SEC63: variants seen among roughly 807,000 people sequenced by gnomAD.
The protein encoded by SEC63 is SEC63 protein translocation regulator.
SEC63 carries 56 observed loss-of-function variants against 116.2 expected under a neutral mutation model. The ratio of observed to expected loss-of-function variants is 0.48; its 90% CI spans 0.39 to 0.60. SEC63 has a LOEUF of 0.60. Ranked by LOEUF, SEC63 falls within the 20% of genes least tolerant of loss-of-function variation. The probability of loss-of-function intolerance (pLI) is 0.00; values close to 1 mark genes in which losing one functional copy is unlikely to be tolerated. For synonymous variants in SEC63, 273 were observed against 294.6 expected (o/e 0.93, Z 0.75); for missense variants, 668 against 900.0 (o/e 0.74, Z 3.30).
chr6:107,906,649 C>A (rs746718853), intron 9 of SEC63, 34 bp downstream of exon 9: 2 of 1,602,414 alleles, frequency 1.2e-6, no homozygotes, highest in Middle Eastern at 1.7e-4. Flanking sequence ...TAATACTTAA[C>A]TGCTCATCGG....
In SEC63 at chr6:107,872,925, A is replaced by G; in HGVS notation, c.2035-13T>C. The G allele has an allele frequency of 6.7e-7, 1 of 1,499,170 alleles. No homozygotes were observed. Among genetic ancestry groups the G allele is most frequent in the African/African-American group, 1.4e-5 (1 of 72,022 alleles). 92.9% of individuals were successfully genotyped at this position (1,499,170 alleles called of 1,614,324 possible). On this transcript the variant is annotated splice_polypyrimidine_tract_variant and intron_variant, in intron 19 of 20. Coordinates refer to ENST00000369002, the MANE Select transcript of SEC63 (RefSeq NM_007214.5). ...ACTTCAGCTCTACCTAGAAGATAAA[A>G]TCAGCACTTAAAAATCTGTATTATG...
chr6:107,874,291 A>G (rs2114390240), intron 19 of SEC63, among the ~76,000 whole-genome samples: 1 of 152,278 alleles, frequency 6.6e-6, no homozygotes, highest in East Asian at 1.9e-4. Context: ...AGCGGCATGC[A>G]AAGATTAAAA....
intron 4 of SEC63, among the ~76,000 whole-genome samples, chr6:107,920,267 C>CA (rs917712230): frequency 4.0e-5 from 6 of 151,284 alleles, no homozygotes; most frequent in East Asian, 3.9e-4. Flanking sequence ...GCTAAAAATA[C>CA]AAAAAAACAT....
intron 4 of SEC63, among the ~76,000 whole-genome samples, chr6:107,921,453 C>CT (rs34843868): frequency 1.3e-3 from 190 of 145,324 alleles, no homozygotes; most frequent in South Asian, 1.3e-3. Flanking sequence ...GAAAACTATC[C>CT]TTTTTTTTTT....
In SEC63 at chr6:107,868,694, AAAT is replaced by A. The variant is rs1786056186; in HGVS notation, c.*3007_*3009del. ...GACTAAAAAAAAAAAAAGGCATTCC[AAAT>A]AATAGCCAAGGCAAATGGATTTAAA... On this transcript the variant is annotated 3_prime_UTR_variant, in exon 21 of 21. Transcript: ENST00000369002. 1 of 151,948 alleles carries A rather than the reference AAAT, an allele frequency of 6.6e-6. No homozygotes were observed. The highest frequency in any genetic ancestry group is 2.1e-4 in the South Asian group (1 of 4,830). The allele number at this position is 151,948 out of a possible 1,614,324, so 9.4% of individuals were successfully genotyped here. A position where few individuals can be genotyped will look rare whatever the true frequency, so the allele number is the denominator to read the frequency against.
chr6:107,954,482 C>CAAAAAAAAAAAAAAAAAAAAAAAA, intron 1 of SEC63: 1 of 116,862 alleles, frequency 8.6e-6, no homozygotes, highest in African/African-American at 3.4e-5. Context: ...AAAAAAAAAT[C>CAAAAAAAAAAAAAAAAAAAAAAAA]AAAAAAAAAA....
chr6:107,901,540 A>G, intron 12 of SEC63, 23 bp from the exon 13 acceptor site: 1 of 1,484,924 alleles, frequency 6.7e-7, no homozygotes. Flanking sequence ...AAAAAAGAAA[A>G]TACATAATTC....
At chr6:107,908,516 G>A (rs192745595) in intron 8 of SEC63, among the ~76,000 whole-genome samples, 1 of 152,270 alleles carries the variant, frequency 6.6e-6, no homozygotes, top group African/African-American at 2.4e-5. Context: ...GTGTATCCTT[G>A]AGAGTGTTAC....
At chr6:107,891,260 G>A (rs574197170) in intron 16 of SEC63, among the ~76,000 whole-genome samples, 17 of 151,932 alleles carry the variant, frequency 1.1e-4, no homozygotes, top group African/African-American at 3.6e-4. Flanking sequence ...GGCTTTGTTC[G>A]TTACTTTTCA....
intron 16 of SEC63, among the ~76,000 whole-genome samples, chr6:107,883,659 T>C (rs1481896496): frequency 6.6e-6 from 1 of 150,736 alleles, no homozygotes; most frequent in Non-Finnish European, 1.5e-5. Flanking sequence ...TATATATATA[T>C]CACTAGGCAT....
chr6:107,946,178 G>A (rs1021540828), intron 1 of SEC63, among the ~76,000 whole-genome samples: 4 of 150,366 alleles, frequency 2.7e-5, no homozygotes, highest in East Asian at 2.0e-4. Context: ...CTCATGATCC[G>A]CCTACCGTGG....
At chr6:107,944,504 C>A (rs1467890112) in intron 1 of SEC63, among the ~76,000 whole-genome samples, 1 of 152,030 alleles carries the variant, frequency 6.6e-6, no homozygotes, top group African/African-American at 2.4e-5. Flanking sequence ...TCAAGACTAG[C>A]CTGGCCAACA....
intron 1 of SEC63, among the ~76,000 whole-genome samples, chr6:107,945,532 T>C (rs1770464631): frequency 6.6e-6 from 1 of 151,858 alleles, no homozygotes; most frequent in Non-Finnish European, 1.5e-5. Flanking sequence ...TCTCGATCTC[T>C]TGACCTCGTG....
In SEC63 at chr6:107,902,887, T is replaced by A; in HGVS notation, c.1166A>T (p.His389Leu). Residue 389 changes from histidine (H) to leucine (L), a missense_variant, in exon 12 of 21, where the codon CAT becomes CTT. Physicochemically the swap from His to Leu is moderately conservative, Grantham distance 99 (BLOSUM62 -3). Transcript: ENST00000369002. Reference protein sequence around the residue: ...QFKSPLLQLPHIEEDNLRRVS... With the variant: ...QFKSPLLQLPLIEEDNLRRVS... ...CCGTCTAAGATTGTCCTCTTCAATA[T>A]GAGGGAGCTGCAGAAGGGGAGACTT... The A allele has an allele frequency of 6.2e-7, 1 of 1,613,924 alleles. No individual in the cohort carries two copies. The highest frequency in any genetic ancestry group is 8.5e-7 in the Non-Finnish European group (1 of 1,179,848).
rs370550733 is a variant in SEC63, at chr6:107,904,740, C to T, written c.962-19G>A. 6.4e-7 allele frequency: 1 copy of T among 1,550,518 alleles called. No individual in the cohort carries two copies. The highest frequency in any genetic ancestry group is 1.1e-5 in the South Asian group (1 of 89,768). On this transcript the variant is annotated intron_variant, in intron 10 of 20. Transcript: ENST00000369002. ...TGCTGATCTGCAAAACAATAAAAAACCTGAAACAGATCATTTTAATTTTAC... is the reference window on the plus strand; with the variant it reads ...TGCTGATCTGCAAAACAATAAAAAATCTGAAACAGATCATTTTAATTTTAC...
At chr6:107,918,342 G>A (rs1787463734) in intron 4 of SEC63, among the ~76,000 whole-genome samples, 1 of 152,082 alleles carries the variant, frequency 6.6e-6, no homozygotes, top group African/African-American at 2.4e-5. Context: ...ACAGATTAAT[G>A]TTTTCACACC....
intron 1 of SEC63, among the ~76,000 whole-genome samples, chr6:107,955,668 T>C (rs1770695991): frequency 6.6e-6 from 1 of 151,898 alleles, no homozygotes; most frequent in Non-Finnish European, 1.5e-5. Context: ...GGCAGATCAC[T>C]TGGTGTCAGG....
At chr6:107,895,860 T>TAA (rs759171759) in intron 14 of SEC63, among the ~76,000 whole-genome samples, 1,740 of 103,628 alleles carry the variant, frequency 0.017, 125 homozygotes, top group African/African-American at 0.054. Context: ...GCACCTCTAT[T>TAA]AAAAAAAAAA....
intron 1 of SEC63, chr6:107,954,482 C>CGAAAAAAAAAAA (rs1770666601): frequency 8.6e-6 from 1 of 116,870 alleles, no homozygotes; most frequent in African/African-American, 3.4e-5. Flanking sequence ...AAAAAAAAAT[C>CGAAAAAAAAAAA]AAAAAAAAAA....
Sources: allele counts gnomAD v4.1 joint callset (sites outside exome capture counted in the v4.1 genomes callset), GRCh38; gene constraint gnomAD v4.1.1; transcripts MANE v1.5; gene names NCBI Gene and HGNC (gene_info 2026-07-23, HGNC 2026-07-21).